The following UPP2 variants were observed in gnomAD, a reference collection of about 807,000 sequenced individuals.
UPP2 encodes UPase 2.
UPP2 carries 23 observed loss-of-function variants against 26.7 expected under a neutral mutation model. The observed-to-expected ratio is 0.86, with a 90% confidence interval of 0.62 to 1.22. The LOEUF is 1.22. Among genes scored for constraint, UPP2 ranks in the 50% most tolerant of loss-of-function variants. The pLI is 0.00. For missense variants in UPP2, 387 were observed against 396.7 expected (o/e 0.98, Z 0.21); for synonymous variants, 127 against 141.3 (o/e 0.90, Z 0.72).
chr2:158,088,763 C>T (rs1417265289), intron 3 of UPP2, among the ~76,000 whole-genome samples: 1 of 152,152 alleles, frequency 6.6e-6, no homozygotes, highest in Non-Finnish European at 1.5e-5. Context: ...CGGGATCTAG[C>T]CACCCATTGC....
chr2:158,092,589 A>G (rs1042423964), intron 3 of UPP2, among the ~76,000 whole-genome samples: 4 of 152,260 alleles, frequency 2.6e-5, no homozygotes, highest in Non-Finnish European at 5.9e-5. Flanking sequence ...GAAAGAAAGA[A>G]ACCCAGAAGG....
chr2:158,071,616 G>A (rs1310239617), intron 3 of UPP2, among the ~76,000 whole-genome samples: 3 of 140,442 alleles, frequency 2.1e-5, no homozygotes, highest in Non-Finnish European at 3.1e-5. Flanking sequence ...AGAAAGCTAA[G>A]AGGAAAGTGG....
intron 3 of UPP2, among the ~76,000 whole-genome samples, chr2:158,069,362 A>G (rs927805549): frequency 6.6e-6 from 1 of 152,148 alleles, no homozygotes. Context: ...TGCAGAAGAG[A>G]TATTGCAGGA....
chr2:158,120,018 A>T (rs894094183), intron 4 of UPP2, among the ~76,000 whole-genome samples: 8 of 151,480 alleles, frequency 5.3e-5, no homozygotes, highest in African/African-American at 1.2e-4. Flanking sequence ...CTCAAAAAAA[A>T]AAAATAAAAA....
intron 3 of UPP2, among the ~76,000 whole-genome samples, chr2:158,077,645 G>A (rs1558923267): frequency 6.6e-6 from 1 of 152,054 alleles, no homozygotes; most frequent in African/African-American, 2.4e-5. Flanking sequence ...AATCAAAATG[G>A]ATTAAAGACT....
At chr2:158,077,589 A>C (rs114388434) in intron 3 of UPP2, among the ~76,000 whole-genome samples, 3 of 152,186 alleles carry the variant, frequency 2.0e-5, no homozygotes, top group Non-Finnish European at 4.4e-5. Flanking sequence ...ATCCATAGGC[A>C]GAAGAATAAA....
chr2:158,051,511 G>A (rs1317756499), intron 3 of UPP2, among the ~76,000 whole-genome samples: 2 of 152,084 alleles, frequency 1.3e-5, no homozygotes, highest in Admixed American at 6.6e-5. Flanking sequence ...GGTCAGGGGC[G>A]GTGGCTCACG....
intron 3 of UPP2, among the ~76,000 whole-genome samples, chr2:158,038,998 C>T (rs4664237): frequency 3.9e-5 from 6 of 151,992 alleles, no homozygotes; most frequent in Non-Finnish European, 5.9e-5. Context: ...TCCACTTTGG[C>T]TGGTTGCACT....
chr2:158,064,242 T>A (rs1442396458), intron 3 of UPP2, among the ~76,000 whole-genome samples: 1 of 152,188 alleles, frequency 6.6e-6, no homozygotes, highest in South Asian at 2.1e-4. Context: ...TTTCTCCACA[T>A]CCTCTCCAGC....
chr2:158,110,309 C>A (rs189381649), intron 2 of UPP2, among the ~76,000 whole-genome samples: 3 of 152,158 alleles, frequency 2.0e-5, no homozygotes, highest in African/African-American at 7.2e-5. Flanking sequence ...CCAGCTTCAT[C>A]CCTGTCCCTT....
chr2:158,054,040 G>A (rs1682203712), intron 3 of UPP2, among the ~76,000 whole-genome samples: 1 of 152,174 alleles, frequency 6.6e-6, no homozygotes, highest in South Asian at 2.1e-4. Flanking sequence ...GGAGACCGAG[G>A]TGGGTGGATT....
At chr2:158,040,147 T>A (rs1684064422) in intron 3 of UPP2, among the ~76,000 whole-genome samples, 1 of 152,246 alleles carries the variant, frequency 6.6e-6, no homozygotes, top group African/African-American at 2.4e-5. Context: ...AACGTCCTTT[T>A]GCAGGGAGGA....
At chr2:158,126,205 A>G (rs915400739) in intron 6 of UPP2, among the ~76,000 whole-genome samples, 3 of 152,084 alleles carry the variant, frequency 2.0e-5, no homozygotes, top group African/African-American at 7.2e-5. Flanking sequence ...TCTCTCTGCT[A>G]CCTGCAGGTT....
At chr2:158,037,432 T>C (rs913886745) in intron 3 of UPP2, among the ~76,000 whole-genome samples, 1 of 152,106 alleles carries the variant, frequency 6.6e-6, no homozygotes, top group South Asian at 2.1e-4. Flanking sequence ...CCTAGGGCTA[T>C]TGTAATAAAG....
chr2:158,007,091 CCT>C (rs777377758), intron 2 of UPP2, among the ~76,000 whole-genome samples: 2 of 152,140 alleles, frequency 1.3e-5, no homozygotes, highest in African/African-American at 4.8e-5. Flanking sequence ...CCTTTGCCAG[CCT>C]CTCTGGCAGC....
chr2:158,062,647 CT>C (rs1682370416), intron 3 of UPP2, among the ~76,000 whole-genome samples: 1 of 152,206 alleles, frequency 6.6e-6, no homozygotes, highest in African/African-American at 2.4e-5. Flanking sequence ...CCTTTTTACA[CT>C]ATCCCTTGGG....
chr2:158,004,673 G>A lies in UPP2; in HGVS notation c.61+9414G>A, dbSNP rs1683462603. Among the ~76,000 whole-genome samples the A allele has an allele frequency of 2.0e-5, 3 of 152,148 alleles. No homozygotes were observed. In the South Asian group the frequency reaches 6.2e-4, roughly 32 times the overall value. Reference sequence around the variant, plus strand: ...AACAAGTAAACGCCCAACTTTCTGTGCTTCCTCAGTTAATAACAAATTAAC... The same window carrying A: ...AACAAGTAAACGCCCAACTTTCTGTACTTCCTCAGTTAATAACAAATTAAC... On this transcript the variant is annotated intron_variant, in intron 2 of 9. Transcript: ENST00000605860.
At chr2:157,999,297 G>C (rs534832558) in intron 2 of UPP2, among the ~76,000 whole-genome samples, 1 of 152,200 alleles carries the variant, frequency 6.6e-6, no homozygotes, top group South Asian at 2.1e-4. Context: ...TTCTGCCTCA[G>C]CCTCCCAAGT....
At chr2:158,040,170 C>G (rs1449424371) in intron 3 of UPP2, among the ~76,000 whole-genome samples, 1 of 152,216 alleles carries the variant, frequency 6.6e-6, no homozygotes, top group Non-Finnish European at 1.5e-5. Context: ...AATTGCTGTT[C>G]TAACTCTCCC....
Sources: gnomAD v4.1 joint callset for allele counts (sites outside exome capture counted in the v4.1 genomes callset) on GRCh38, gnomAD v4.1.1 for gene constraint, MANE v1.5 for transcripts, NCBI Gene and HGNC (gene_info 2026-07-23, HGNC 2026-07-21) for gene names.